The following MEGF10 variants were observed in gnomAD, a reference collection of about 807,000 sequenced individuals.
MEGF10 encodes multiple EGF like domains 10, also known as multiple epidermal growth factor-like domains protein 10.
Under a neutral mutation model 147.5 loss-of-function variants are expected in MEGF10, and 86 were observed. The observed-to-expected ratio is 0.58, with a 90% CI of 0.49 to 0.70. The LOEUF is 0.70. Ranked by LOEUF, MEGF10 falls within the 30% of genes least tolerant of loss-of-function variation. The probability of loss-of-function intolerance (pLI) is 0.00; values close to 1 mark genes in which losing one functional copy is unlikely to be tolerated. For synonymous variants in MEGF10, 478 were observed against 525.5 expected, an observed-to-expected ratio of 0.91 and a Z score of 1.24; for missense variants, 1,329 against 1,487.3, an observed-to-expected ratio of 0.89 and a Z score of 1.75.
At chr5:127,420,236 A>G in intron 12 of MEGF10, 29 bp downstream of exon 12, 1 of 1,607,934 alleles carries the variant, frequency 6.2e-7, no homozygotes, top group Admixed American at 1.7e-5. Flanking sequence ...CCTGACGGAA[A>G]ACGCCTATGA....
chr5:127,267,210 A>G, the MEGF10 span, among the ~76,000 whole-genome samples: 2 of 152,122 alleles, frequency 1.3e-5, 1 homozygote, highest in African/African-American at 4.8e-5. Flanking sequence ...TTCTGTTTAT[A>G]TGCTGGATTA....
intron 8 of MEGF10, among the ~76,000 whole-genome samples, chr5:127,406,286 G>A (rs1040075156): frequency 6.6e-6 from 1 of 152,212 alleles, no homozygotes; most frequent in Admixed American, 6.5e-5. Context: ...AGGAAGGCCA[G>A]GGGCCAGAGA....
At position 127,410,285 on chromosome 5, in the gene MEGF10, A is replaced by G. The variant is rs995093674; in HGVS notation, c.918-104A>G. On this transcript the variant is annotated intron_variant, in intron 8 of 24. Transcript: ENST00000503335. Reference sequence around the variant, plus strand: ...AATCACTAAATAATTGCAAGAGCAAAAAGCAGCTTCGATTTATGCATAACA... The same window carrying G: ...AATCACTAAATAATTGCAAGAGCAAGAAGCAGCTTCGATTTATGCATAACA... The G allele has an allele frequency of 2.8e-6, 3 of 1,068,554 alleles. No homozygotes were observed. The African/African-American group carries it at 4.7e-5, about 17-fold the overall frequency. 66.2% of individuals were successfully genotyped at this position (1,068,554 alleles called of 1,614,324 possible). A position where few individuals can be genotyped will look rare whatever the true frequency, so the allele number is the denominator to read the frequency against.
intron 7 of MEGF10, among the ~76,000 whole-genome samples, chr5:127,399,629 C>T (rs1764052918): frequency 6.6e-6 from 1 of 152,158 alleles, no homozygotes; most frequent in Admixed American, 6.5e-5. Context: ...GACTTAATTA[C>T]CAAAACCCTT....
chr5:127,346,277 C>T (rs1761884505), intron 4 of MEGF10, among the ~76,000 whole-genome samples: 1 of 152,162 alleles, frequency 6.6e-6, no homozygotes, highest in Non-Finnish European at 1.5e-5. Flanking sequence ...TTTAAGGAAT[C>T]TCCACACCGT....
chr5:127,296,107 T>C, intron 1 of MEGF10, among the ~76,000 whole-genome samples: 1 of 152,254 alleles, frequency 6.6e-6, no homozygotes, highest in African/African-American at 2.4e-5. Context: ...AATATAGTTA[T>C]TGCAGAGGAC....
chr5:127,377,946 T>C (rs747699045), intron 5 of MEGF10, among the ~76,000 whole-genome samples: 6 of 152,206 alleles, frequency 3.9e-5, no homozygotes, highest in Non-Finnish European at 7.3e-5. Flanking sequence ...CTGGGAAGGA[T>C]TGGGTTCTGA....
At chr5:127,320,809 G>A (rs1463258020) in intron 1 of MEGF10, among the ~76,000 whole-genome samples, 2 of 152,212 alleles carry the variant, frequency 1.3e-5, no homozygotes, top group African/African-American at 4.8e-5. Context: ...TGCCTGCTGC[G>A]AGATACCTGT....
intron 5 of MEGF10, among the ~76,000 whole-genome samples, chr5:127,381,210 A>T (rs537283704): frequency 6.6e-6 from 1 of 152,354 alleles, no homozygotes; most frequent in East Asian, 1.9e-4. Context: ...CAAACTGCAA[A>T]TGAACAGTAA....
intron 9 of MEGF10, among the ~76,000 whole-genome samples, chr5:127,415,752 A>G (rs977719694): frequency 6.6e-6 from 1 of 151,744 alleles, no homozygotes; most frequent in Non-Finnish European, 1.5e-5. Flanking sequence ...AAAAATACAA[A>G]AATTAGCTGG....
At chr5:127,287,046 A>G (rs974175281), upstream of MEGF10, among the ~76,000 whole-genome samples, 3 of 152,016 alleles carry the variant, frequency 2.0e-5, no homozygotes, top group Admixed American at 6.5e-5. Flanking sequence ...CCGTATAATA[A>G]TTTCAACTGA....
intron 1 of MEGF10, among the ~76,000 whole-genome samples, chr5:127,311,493 G>A (rs1276800678): frequency 6.6e-6 from 1 of 152,228 alleles, no homozygotes; most frequent in Non-Finnish European, 1.5e-5. Context: ...AGTTAGGTGA[G>A]TATTTGAGTA....
chr5:127,409,944 G>T (rs1477080719), intron 8 of MEGF10: 2 of 174,952 alleles, frequency 1.1e-5, no homozygotes, highest in Non-Finnish European at 2.5e-5. Flanking sequence ...AAAGCCAAGA[G>T]AATTAAAATT....
intron 4 of MEGF10, among the ~76,000 whole-genome samples, chr5:127,351,809 G>A (rs1245046811): frequency 6.6e-6 from 1 of 152,192 alleles, no homozygotes; most frequent in Non-Finnish European, 1.5e-5. Flanking sequence ...GACCTTAGAG[G>A]TCATGATTTC....
chr5:127,339,137 A>G lies in MEGF10; in HGVS notation c.134A>G (p.Gln45Arg). The G allele has an allele frequency of 6.2e-7, 1 of 1,610,790 alleles. No individual in the cohort carries two copies. The highest frequency in any genetic ancestry group is 8.5e-7 in the Non-Finnish European group (1 of 1,177,402). The change falls in exon 3 of 25, where the codon CAA becomes CGA. Residue 45 changes from glutamine (Q) to arginine (R), a missense_variant. Gln to Arg is a conservative substitution (Grantham distance 43). Around this residue, in one of 3 missense-constraint regions of MEGF10, gnomAD observed 980 missense variants for 1,085.9 expected, o/e 0.90. Transcript: ENST00000503335. ...SHWESYSVTVQESYPHPFDQI... is the reference protein window; with the variant it reads ...SHWESYSVTVRESYPHPFDQI... The stretch of plus-strand genomic sequence containing the variant: ...CTTTTCAGCTACTCAGTGACTGTGC[A>G]AGAGTCATACCCACATCCCTTTGAT...
chr5:127,377,811 C>T (rs1050771329), intron 5 of MEGF10, among the ~76,000 whole-genome samples: 4 of 152,174 alleles, frequency 2.6e-5, no homozygotes, highest in South Asian at 2.1e-4. Context: ...GCCCAGTCCT[C>T]GCTGCAGTCA....
chr5:127,404,408 G>T (rs963917917), intron 8 of MEGF10, among the ~76,000 whole-genome samples: 1 of 151,914 alleles, frequency 6.6e-6, no homozygotes, highest in Non-Finnish European at 1.5e-5. Flanking sequence ...TGAAAGTAAC[G>T]GTGAAGACCG....
rs75783175 is a variant in MEGF10, at chr5:127,455,591, G to C, written c.3216G>C (p.Arg1072Ser). The C allele has an allele frequency of 2.8e-4, 451 of 1,614,016 alleles. 2 individuals carry two copies. The African/African-American group carries it at 5.4e-3, about 19-fold the overall frequency. The change falls in exon 24 of 25, where the codon AGG becomes AGC. Residue 1072 changes from arginine (R) to serine (S), a missense_variant. This residue lies in a region of MEGF10 where 343 missense variants were observed against 377.9 expected (regional missense o/e 0.91). Coordinates refer to ENST00000503335, the MANE Select transcript of MEGF10 (RefSeq NM_001256545.2). Reference protein sequence around the residue: ...AEINNSTSANRNVYEVEPTVS... With the variant: ...AEINNSTSANSNVYEVEPTVS... ...TCAATAACTCAACTTCAGCCAACAG[G>C]AATGTCTATGAAGTTGGTGAGTTCC...
intron 13 of MEGF10, among the ~76,000 whole-genome samples, chr5:127,427,670 C>A (rs967927110): frequency 1.3e-5 from 2 of 152,078 alleles, no homozygotes; most frequent in South Asian, 2.1e-4. Flanking sequence ...CAAGTTTGAC[C>A]AGCTGAGTGA....
Sources: allele counts gnomAD v4.1 joint callset (sites outside exome capture counted in the v4.1 genomes callset), GRCh38; gene constraint gnomAD v4.1.1; regional missense constraint gnomAD v4.1.1; transcripts MANE v1.5; gene names NCBI Gene and HGNC (gene_info 2026-07-23, HGNC 2026-07-21).